Variants in GOSR2 observed in about 807,000 individuals in gnomAD.
GOSR2 encodes 27 kDa Golgi SNARE protein.
In GOSR2, 20 loss-of-function variants were observed where a neutral mutation model predicts 27.9. The observed-to-expected ratio is 0.72, with a 90% confidence interval of 0.50 to 1.04. GOSR2 has a LOEUF of 1.04. Among genes scored for constraint, GOSR2 ranks in the 50% least tolerant of loss-of-function variants. The probability of loss-of-function intolerance (pLI) is 0.00; values close to 1 mark genes in which losing one functional copy is unlikely to be tolerated. For synonymous variants in GOSR2, 91 were observed against 98.8 expected (o/e 0.92, Z 0.47); for missense variants, 261 against 270.5 (o/e 0.97, Z 0.25).
intron 6 of GOSR2, chr17:46,948,548 T>C (rs2090094311): frequency 6.6e-6 from 1 of 152,254 alleles, no homozygotes; most frequent in African/African-American, 2.4e-5. Flanking sequence ...ACTTGCTCAC[T>C]CCCTCTTTCT....
At chr17:46,956,872 G>A (rs2090753771) in intron 6 of GOSR2, among the ~76,000 whole-genome samples, 2 of 152,214 alleles carry the variant, frequency 1.3e-5, no homozygotes, top group South Asian at 4.1e-4. Context: ...TCCACAGCGA[G>A]CATGTGGCAA....
At chr17:46,950,189 G>A (rs1161386392) in intron 6 of GOSR2, among the ~76,000 whole-genome samples, 1 of 152,220 alleles carries the variant, frequency 6.6e-6, no homozygotes, top group African/African-American at 2.4e-5. Context: ...GTTCACGGGG[G>A]CTGAGAGCAG....
rs1309484909 is a variant in GOSR2, at chr17:46,931,215, C to G, written c.203+8C>G. On this transcript the variant is annotated splice_region_variant and intron_variant, in intron 3 of 5. Transcript: ENST00000640051. ...AAGGCAAAATGCCAGACTGTAAGTGCTGACCTCTGACATGGCTCTGATACT... is the reference window on the plus strand; with the variant it reads ...AAGGCAAAATGCCAGACTGTAAGTGGTGACCTCTGACATGGCTCTGATACT... 8.3e-7 allele frequency: 1 copy of G among 1,210,180 alleles called. No homozygotes were observed. The allele number at this position is 1,210,180 out of a possible 1,614,324, so 75.0% of individuals were successfully genotyped here. A position where few individuals can be genotyped will look rare whatever the true frequency, so the allele number is the denominator to read the frequency against.
intron 1 of GOSR2, among the ~76,000 whole-genome samples, chr17:46,925,481 G>C (rs551919272): frequency 6.6e-6 from 1 of 152,318 alleles, no homozygotes; most frequent in African/African-American, 2.4e-5. Context: ...TGCTGAACCA[G>C]GAGTGGGAGT....
rs1599077836 is a variant in GOSR2 at position 46,941,135 on chromosome 17, A to G, written c.*2375A>G. ...CAGGTGGGTTATCAAGAGGAACTTGAGATCTCTTTATTACATGGACATTTA... is the reference window on the plus strand; with the variant it reads ...CAGGTGGGTTATCAAGAGGAACTTGGGATCTCTTTATTACATGGACATTTA... On this transcript the variant is annotated 3_prime_UTR_variant, in exon 6 of 6. Coordinates refer to ENST00000640051, the MANE Select transcript of GOSR2 (RefSeq NM_004287.5). The G allele has an allele frequency of 1.8e-5, 18 of 1,019,898 alleles. No individual in the cohort carries two copies. Among genetic ancestry groups the G allele is most frequent in the Non-Finnish European group, 2.1e-5 (18 of 848,988 alleles). 63.2% of individuals were successfully genotyped at this position (1,019,898 alleles called of 1,614,324 possible).
At chr17:46,933,937 G>A (rs1296941097) in intron 4 of GOSR2, among the ~76,000 whole-genome samples, 5 of 32,980 alleles carry the variant, frequency 1.5e-4, no homozygotes, top group African/African-American at 2.6e-4. Flanking sequence ...GTGAGAGCCT[G>A]TCTCAAAAAA....
chr17:46,953,205 AC>A (rs1212085818), intron 6 of GOSR2, among the ~76,000 whole-genome samples: 1 of 144,516 alleles, frequency 6.9e-6, no homozygotes, highest in East Asian at 2.0e-4. Context: ...CACTCCCCCC[AC>A]CCCACAACAG....
At chr17:46,927,826 T>A (rs1474844709) in intron 1 of GOSR2, among the ~76,000 whole-genome samples, 2 of 152,214 alleles carry the variant, frequency 1.3e-5, no homozygotes, top group South Asian at 2.1e-4. Context: ...TTCAGAGTGG[T>A]CTTGGCTATT....
At chr17:46,931,397 A>G (rs1319404186) in intron 3 of GOSR2, 190 bp downstream of exon 3, 3 of 614,358 alleles carry the variant, frequency 4.9e-6, no homozygotes, top group African/African-American at 3.7e-5. Flanking sequence ...ATAGCCTGTG[A>G]GGTTTGTGAC....
At chr17:46,975,500 GC>G (rs1375642764) in exon 7 of GOSR2, 3 of 152,640 alleles carry the variant, frequency 2.0e-5, no homozygotes, top group Non-Finnish European at 4.4e-5. Context: ...CCCGCCCCCT[GC>G]CCCAAGGATT....
exon 7 of GOSR2, chr17:46,975,465 C>G (rs2091438567): frequency 6.6e-6 from 1 of 152,530 alleles, no homozygotes; most frequent in African/African-American, 2.4e-5. Context: ...TCCTCATTCA[C>G]TCTTACCTTA....
intron 6 of GOSR2, among the ~76,000 whole-genome samples, chr17:46,959,212 GGACA>G (rs1412924776): frequency 1.3e-5 from 2 of 152,170 alleles, no homozygotes; most frequent in African/African-American, 4.8e-5. Flanking sequence ...CCAGACAGAT[GGACA>G]GACTGACTGT....
intron 4 of GOSR2, among the ~76,000 whole-genome samples, chr17:46,933,941 CAAAAA>C (rs4060607): frequency 6.9e-6 from 1 of 144,366 alleles, no homozygotes; most frequent in African/African-American, 2.5e-5. Flanking sequence ...GAGCCTGTCT[CAAAAA>C]AAAAAAAAAC....
At chr17:46,925,009 GAGAAAACTGCATGGCTC>G (rs1247267426) in intron 1 of GOSR2, among the ~76,000 whole-genome samples, 1 of 152,182 alleles carries the variant, frequency 6.6e-6, no homozygotes, top group Non-Finnish European at 1.5e-5. Context: ...GCTAATCACA[GAGAAAACTGCATGGCTC>G]AGAAGAGGAA....
chr17:46,935,098 G>T lies in GOSR2; in HGVS notation c.406G>T (p.Gly136Cys), dbSNP rs1374830883. The stretch of plus-strand genomic sequence containing the variant: ...CTCCTCCCTCCAGAAAGTTCACAAC[G>T]GCATGGATGACCTCATTTTAGATGG... ...FNSSLQKVHN[G>C]MDDLILDGHN... Residue 136 changes from glycine to cysteine, a missense_variant, in exon 5 of 6, where the codon GGC becomes TGC. By Grantham distance (159) the Gly-to-Cys change is radical. Coordinates refer to ENST00000640051, the MANE Select transcript of GOSR2 (RefSeq NM_004287.5). 2 of 1,613,150 alleles carry T rather than the reference G, an allele frequency of 1.2e-6. No homozygotes were observed. Among genetic ancestry groups the T allele is most frequent in the East Asian group, 2.2e-5 (1 of 44,882 alleles).
chr17:46,941,150 A>G lies in GOSR2; in HGVS notation c.*2390A>G, dbSNP rs1160472234. ...GAGGAACTTGAGATCTCTTTATTAC[A>G]TGGACATTTACTTCAGGGGGACCAC... On this transcript the variant is annotated 3_prime_UTR_variant, in exon 6 of 6. Coordinates refer to ENST00000640051, the MANE Select transcript of GOSR2 (RefSeq NM_004287.5). 4.6e-5 allele frequency: 47 copies of G among 1,012,188 alleles called. No individual in the cohort carries two copies. Among genetic ancestry groups the G allele is most frequent in the Non-Finnish European group, 5.2e-5 (44 of 844,292 alleles). 62.7% of individuals were successfully genotyped at this position (1,012,188 alleles called of 1,614,324 possible).
chr17:46,940,905 C>T lies in GOSR2; in HGVS notation c.*2145C>T. ...ATGACCACTTCTCTTCACACATCTG[C>T]TTTCAGTGCCTGGTGAAAAATAGAC... On this transcript the variant is annotated 3_prime_UTR_variant, in exon 6 of 6. Transcript: ENST00000640051. The T allele has an allele frequency of 7.4e-7, 1 of 1,356,088 alleles. No homozygotes were observed. The highest frequency in any genetic ancestry group is 9.5e-7 in the Non-Finnish European group (1 of 1,049,788). The allele number at this position is 1,356,088 out of a possible 1,614,324, so 84.0% of individuals were successfully genotyped here.
intron 4 of GOSR2, among the ~76,000 whole-genome samples, chr17:46,934,242 C>A (rs1460026798): frequency 7.0e-6 from 1 of 143,202 alleles, no homozygotes; most frequent in Admixed American, 6.8e-5. Flanking sequence ...CCTCTCTGGG[C>A]ATTTTTTCAT....
intron 2 of GOSR2, chr17:46,930,702 A>G (rs963588805): frequency 2.3e-5 from 4 of 171,118 alleles, no homozygotes; most frequent in Non-Finnish European, 4.9e-5. Flanking sequence ...AGGGAATTCA[A>G]TTGGCAGCCT....
Sources: allele counts gnomAD v4.1 joint callset (sites outside exome capture counted in the v4.1 genomes callset), GRCh38; gene constraint gnomAD v4.1.1; transcripts MANE v1.5; gene names NCBI Gene and HGNC (gene_info 2026-07-23, HGNC 2026-07-21).